The following LHFPL3 variants were observed in gnomAD, a reference collection of about 807,000 sequenced individuals.
The protein encoded by LHFPL3 is LHFPL tetraspan subfamily member 3, also known as LHFPL tetraspan subfamily member 3 protein.
LHFPL3 carries 5 observed loss-of-function variants against 19.3 expected under a neutral mutation model. The observed-to-expected ratio is 0.26, with a 90% CI of 0.14 to 0.54. LHFPL3 has a LOEUF of 0.54. Among genes scored for constraint, LHFPL3 ranks in the 20% least tolerant of loss-of-function variants. The pLI, the probability that LHFPL3 is intolerant of heterozygous loss-of-function variation, is 0.94. For missense variants in LHFPL3, 249 were observed against 307.4 expected (o/e 0.81, Z 1.42); for synonymous variants, 133 against 126.2 (o/e 1.05, Z -0.36).
At chr7:104,773,997 C>T (rs867590347) in intron 2 of LHFPL3, among the ~76,000 whole-genome samples, 2 of 152,200 alleles carry the variant, frequency 1.3e-5, no homozygotes, top group South Asian at 2.1e-4. Context: ...GGACAACTTC[C>T]GTGTAGTCAC....
At chr7:104,398,862 C>A (rs1242703039) in intron 1 of LHFPL3, among the ~76,000 whole-genome samples, 1 of 152,068 alleles carries the variant, frequency 6.6e-6, no homozygotes, top group Non-Finnish European at 1.5e-5. Context: ...GCCCTGAATA[C>A]TCCCTTAGAA....
At chr7:104,763,125 C>T (rs1794404475) in intron 2 of LHFPL3, among the ~76,000 whole-genome samples, 1 of 152,216 alleles carries the variant, frequency 6.6e-6, no homozygotes, top group African/African-American at 2.4e-5. Context: ...ATAATCATCT[C>T]ATTTCACAGC....
intron 1 of LHFPL3, among the ~76,000 whole-genome samples, chr7:104,417,132 CT>C (rs1791637632): frequency 6.6e-6 from 1 of 152,210 alleles, no homozygotes. Flanking sequence ...GATGTCTTTA[CT>C]AAAAAGCTTT....
At chr7:104,460,305 G>T (rs1281237197) in intron 1 of LHFPL3, among the ~76,000 whole-genome samples, 1 of 152,086 alleles carries the variant, frequency 6.6e-6, no homozygotes, top group Non-Finnish European at 1.5e-5. Flanking sequence ...GTACTACAGT[G>T]AACATTCACA....
chr7:104,750,934 A>C (rs1453590287), intron 2 of LHFPL3, among the ~76,000 whole-genome samples: 7 of 151,984 alleles, frequency 4.6e-5, no homozygotes, highest in Admixed American at 2.6e-4. Flanking sequence ...CATCTTGGAC[A>C]TAAGTCAGGT....
intron 1 of LHFPL3, among the ~76,000 whole-genome samples, chr7:104,392,566 T>C (rs1316299375): frequency 2.0e-5 from 3 of 152,196 alleles, no homozygotes; most frequent in African/African-American, 7.2e-5. Context: ...AGCTTTTTGA[T>C]GTGCTGCTGG....
intron 1 of LHFPL3, among the ~76,000 whole-genome samples, chr7:104,529,317 C>G (rs1794247775): frequency 6.6e-6 from 1 of 152,196 alleles, no homozygotes; most frequent in African/African-American, 2.4e-5. Context: ...CCTGTATCCT[C>G]AGCTTCATCT....
chr7:104,891,687 C>T (rs1304408000), intron 2 of LHFPL3, among the ~76,000 whole-genome samples: 1 of 152,174 alleles, frequency 6.6e-6, no homozygotes, highest in Non-Finnish European at 1.5e-5. Flanking sequence ...TTTCTAAGAA[C>T]CAGAAATCTG....
chr7:104,695,188 C>A (rs1051396650), intron 1 of LHFPL3, among the ~76,000 whole-genome samples: 2 of 152,084 alleles, frequency 1.3e-5, no homozygotes, highest in African/African-American at 4.8e-5. Context: ...AATCATAGTT[C>A]ACTGTAGCCT....
At chr7:104,455,345 A>G (rs1393660475) in intron 1 of LHFPL3, among the ~76,000 whole-genome samples, 1 of 151,116 alleles carries the variant, frequency 6.6e-6, no homozygotes, top group Admixed American at 6.6e-5. Flanking sequence ...GGACAATTAT[A>G]CATGGTAAGC....
intron 2 of LHFPL3, among the ~76,000 whole-genome samples, chr7:104,871,349 A>G (rs980295387): frequency 6.6e-6 from 1 of 152,214 alleles, no homozygotes; most frequent in Non-Finnish European, 1.5e-5. Flanking sequence ...AAAGTGTGGT[A>G]CACCTGCATA....
intron 1 of LHFPL3, among the ~76,000 whole-genome samples, chr7:104,379,055 C>G (rs1790770082): frequency 6.6e-6 from 1 of 152,168 alleles, no homozygotes; most frequent in African/African-American, 2.4e-5. Context: ...AAATCGGGGA[C>G]CCATCATATA....
chr7:104,389,252 T>C (rs1171382150), intron 1 of LHFPL3, among the ~76,000 whole-genome samples: 1 of 152,056 alleles, frequency 6.6e-6, no homozygotes, highest in African/African-American at 2.4e-5. Context: ...AAAAGGAAAT[T>C]AAGAAAACAA....
chr7:104,554,722 G>A (rs1201816249), intron 1 of LHFPL3, among the ~76,000 whole-genome samples: 1 of 152,008 alleles, frequency 6.6e-6, no homozygotes, highest in Non-Finnish European at 1.5e-5. Flanking sequence ...ATTTATTATG[G>A]AAATTGGCTT....
At chr7:104,437,714 T>C (rs1040237342) in intron 1 of LHFPL3, among the ~76,000 whole-genome samples, 1 of 152,122 alleles carries the variant, frequency 6.6e-6, no homozygotes, top group Non-Finnish European at 1.5e-5. Flanking sequence ...CTCAGAAACG[T>C]ATAGGGCTGG....
intron 1 of LHFPL3, among the ~76,000 whole-genome samples, chr7:104,419,039 A>G (rs527470668): frequency 6.6e-6 from 1 of 152,226 alleles, no homozygotes; most frequent in Non-Finnish European, 1.5e-5. Context: ...TAGATTTTAT[A>G]ACTTGCATCC....
intron 1 of LHFPL3, among the ~76,000 whole-genome samples, chr7:104,373,910 T>C (rs926980038): frequency 2.0e-5 from 3 of 151,778 alleles, no homozygotes; most frequent in Admixed American, 6.5e-5. Context: ...TTTCAAGATA[T>C]GGCAAAAACA....
chr7:104,616,233 A>AACT (rs1261640009), intron 1 of LHFPL3, among the ~76,000 whole-genome samples: 1 of 152,218 alleles, frequency 6.6e-6, no homozygotes, highest in African/African-American at 2.4e-5. Flanking sequence ...CCTGACTTCA[A>AACT]ACTATACTAC....
chr7:104,355,401 C>T (rs867922190), intron 1 of LHFPL3, among the ~76,000 whole-genome samples: 16 of 152,310 alleles, frequency 1.1e-4, no homozygotes, highest in African/African-American at 3.6e-4. Flanking sequence ...TAGATGTAGT[C>T]CATGGATGGG....
Sources: gnomAD v4.1 joint callset for allele counts (sites outside exome capture counted in the v4.1 genomes callset) on GRCh38, gnomAD v4.1.1 for gene constraint, MANE v1.5 for transcripts, NCBI Gene and HGNC (gene_info 2026-07-23, HGNC 2026-07-21) for gene names.